Variants in RFC1 observed in about 807,000 individuals in gnomAD.
RFC1 encodes the protein A1 140 kDa subunit.
A neutral mutation model predicts 137.4 loss-of-function variants in RFC1; 37 were observed. That is an observed-to-expected ratio of 0.27 (90% confidence interval 0.21 to 0.35). The LOEUF (loss-of-function observed/expected upper bound fraction) is 0.35, where lower values mean the gene tolerates loss of function less well. Ranked by LOEUF, RFC1 falls within the 10% of genes least tolerant of loss-of-function variation. The pLI is 1.00. For missense variants in RFC1, 1,205 were observed against 1,358.5 expected (o/e 0.89, Z 1.78); for synonymous variants, 429 against 455.7 (o/e 0.94, Z 0.75).
At chr4:39,300,809 G>T (rs556960766) in intron 19 of RFC1, among the ~76,000 whole-genome samples, 4 of 152,080 alleles carry the variant, frequency 2.6e-5, no homozygotes, top group South Asian at 4.1e-4. Context: ...AAAGACATGG[G>T]GGGGCAGGGC....
At chr4:39,326,893 A>G (rs1180890550) in intron 5 of RFC1, among the ~76,000 whole-genome samples, 2 of 152,234 alleles carry the variant, frequency 1.3e-5, no homozygotes, top group Non-Finnish European at 2.9e-5. Flanking sequence ...TACCAAAAAT[A>G]AAAATAAAAA....
At chr4:39,308,601 C>A (rs1214192058) in intron 13 of RFC1, 35 bp downstream of exon 13, 6 of 1,583,716 alleles carry the variant, frequency 3.8e-6, no homozygotes, top group Non-Finnish European at 5.2e-6. Context: ...TGTTGATATA[C>A]ACACACACAA....
At chr4:39,355,118 C>CACACACAT (rs1741406091) in intron 1 of RFC1, among the ~76,000 whole-genome samples, 2 of 147,662 alleles carry the variant, frequency 1.4e-5, no homozygotes. Flanking sequence ...CACACACACA[C>CACACACAT]ACACACACAC....
At chr4:39,347,683 G>A (rs1031872662) in intron 2 of RFC1, among the ~76,000 whole-genome samples, 2 of 152,140 alleles carry the variant, frequency 1.3e-5, no homozygotes, top group African/African-American at 2.4e-5. Flanking sequence ...AAATATGAAC[G>A]TTAAATGTAA....
intron 4 of RFC1, 145 bp downstream of exon 4, chr4:39,342,200 C>T: frequency 1.0e-6 from 1 of 953,640 alleles, no homozygotes; most frequent in Non-Finnish European, 1.5e-6. Flanking sequence ...AAAAGATGAT[C>T]CCAGCCTTCC....
chr4:39,320,612 T>G lies in RFC1; in HGVS notation c.866A>C (p.Lys289Thr). 1 of 1,612,014 alleles carries G rather than the reference T, an allele frequency of 6.2e-7. No homozygotes were observed. Among genetic ancestry groups the G allele is most frequent in the South Asian group, 1.1e-5 (1 of 90,280 alleles). ...RKSYSPRKQSKYESSKESQQH... is the reference protein window; with the variant it reads ...RKSYSPRKQSTYESSKESQQH... ...CTGAGATTCTTTTGAACTTTCATAT[T>G]TACTTTGCTTCCTAGGACTGTAGCT... Residue 289 changes from lysine (K) to threonine (T), a missense_variant, in exon 9 of 25, where the codon AAA becomes ACA. Lys to Thr is a moderately conservative substitution (Grantham distance 78). This residue lies in a region of RFC1 where 962 missense variants were observed against 1,035.3 expected (regional missense o/e 0.93). Transcript: ENST00000349703.
chr4:39,329,455 C>T (rs1428772760), intron 4 of RFC1, among the ~76,000 whole-genome samples: 1 of 150,656 alleles, frequency 6.6e-6, no homozygotes, highest in Non-Finnish European at 1.5e-5. Flanking sequence ...CCGGGCGTAG[C>T]GGTGCGCGCC....
chr4:39,299,462 A>C (rs1453746927), intron 21 of RFC1, among the ~76,000 whole-genome samples: 1 of 151,904 alleles, frequency 6.6e-6, no homozygotes, highest in Non-Finnish European at 1.5e-5. Flanking sequence ...AAATACAAAA[A>C]ATTAGCTGGG....
chr4:39,310,053 T>G (rs1738891279), intron 12 of RFC1, among the ~76,000 whole-genome samples: 1 of 152,190 alleles, frequency 6.6e-6, no homozygotes, highest in South Asian at 2.1e-4. Flanking sequence ...TCACTAATAA[T>G]AAGACGTTAT....
At chr4:39,364,346 G>A (rs1427033119) in intron 1 of RFC1, among the ~76,000 whole-genome samples, 4 of 151,730 alleles carry the variant, frequency 2.6e-5, no homozygotes, top group South Asian at 2.1e-4. Flanking sequence ...TTTAGTCTAG[G>A]GTTTTGCTAA....
intron 12 of RFC1, among the ~76,000 whole-genome samples, 158 bp from the exon 13 acceptor site, chr4:39,309,190 C>T (rs1738844563): frequency 6.6e-6 from 1 of 152,256 alleles, no homozygotes; most frequent in Admixed American, 6.5e-5. Flanking sequence ...GTGGAAATCA[C>T]CACCTTCTAA....
intron 19 of RFC1, among the ~76,000 whole-genome samples, chr4:39,301,618 G>A (rs1738365828): frequency 6.6e-6 from 1 of 152,086 alleles, no homozygotes; most frequent in Non-Finnish European, 1.5e-5. Flanking sequence ...TGGCCAGGCT[G>A]GTCTCAAACT....
At chr4:39,321,257 C>A in intron 8 of RFC1, 30 bp downstream of exon 8, 2 of 1,509,014 alleles carry the variant, frequency 1.3e-6, no homozygotes, top group Non-Finnish European at 1.8e-6. Flanking sequence ...AAGACAAGTG[C>A]TCCATCTTAC....
chr4:39,298,226 T>C (rs1738135507), intron 21 of RFC1, among the ~76,000 whole-genome samples: 1 of 146,894 alleles, frequency 6.8e-6, no homozygotes, highest in Non-Finnish European at 1.5e-5. Flanking sequence ...GAGGATCACT[T>C]GAGCCCAGGA....
chr4:39,308,811 C>G lies in RFC1; in HGVS notation c.1710G>C (p.Arg570Ser), dbSNP rs375278905. ...AEETSGDSKA[R>S]NLADDSSENK... ...TTTCACTGCTGTCATCAGCCAAATT[C>G]CTAGCCTTGCTGTCACCACTTGTCT... is the stretch of plus-strand genomic sequence containing the variant. The change falls in exon 13 of 25, where the codon AGG becomes AGC. Residue 570 changes from arginine (R) to serine (S), a missense_variant. Around this residue, in one of 3 missense-constraint regions of RFC1, gnomAD observed 962 missense variants for 1,035.3 expected, o/e 0.93. Transcript: ENST00000349703. 8 of 1,614,190 alleles carry G rather than the reference C, an allele frequency of 5.0e-6. No individual in the cohort carries two copies. In the African/African-American group the frequency reaches 1.1e-4, roughly 22 times the overall value.
At chr4:39,334,409 G>C (rs944259240) in intron 4 of RFC1, among the ~76,000 whole-genome samples, 1 of 152,138 alleles carries the variant, frequency 6.6e-6, no homozygotes, top group Admixed American at 6.5e-5. Context: ...ATATATTATG[G>C]AAAGAAGACA....
At chr4:39,321,882 G>C (rs1256482121) in intron 7 of RFC1, 1 of 153,044 alleles carries the variant, frequency 6.5e-6, no homozygotes, top group Admixed American at 6.5e-5. Flanking sequence ...ATTATAATTT[G>C]AGTGTCTTTA....
Position 39,309,019 on chromosome 4 carries a change from G to T in RFC1, c.1502C>A (p.Ser501Tyr). The T allele has an allele frequency of 6.3e-7, 1 of 1,597,070 alleles. No individual in the cohort carries two copies. Among genetic ancestry groups the T allele is most frequent in the South Asian group, 1.1e-5 (1 of 87,234 alleles). The stretch of plus-strand genomic sequence containing the variant: ...TTTTTGGGGTGTTCTCTCCAGTTTG[G>T]ACTCTTTCTTCATCTTAAGAAGTGG... ...IAVETEMKKE[S>Y]KLERTPQKNV... is the part of the protein sequence containing the mutation. Residue 501 changes from serine (S) to tyrosine (Y), a missense_variant, in exon 13 of 25, where the codon TCC becomes TAC. Physicochemically the swap from Ser to Tyr is moderately radical, Grantham distance 144 (BLOSUM62 -2). Around this residue, in one of 3 missense-constraint regions of RFC1, gnomAD observed 962 missense variants for 1,035.3 expected, o/e 0.93. Transcript: ENST00000349703.
intron 11 of RFC1, 41 bp downstream of exon 11, chr4:39,312,711 G>T: frequency 1.3e-6 from 2 of 1,562,396 alleles, no homozygotes; most frequent in Non-Finnish European, 8.7e-7. Flanking sequence ...TGCCAAGGCA[G>T]GCAGGAGGTG....
Sources: gnomAD v4.1 joint callset for allele counts (sites outside exome capture counted in the v4.1 genomes callset) on GRCh38, gnomAD v4.1.1 for gene constraint, gnomAD v4.1.1 regional missense constraint, MANE v1.5 for transcripts, NCBI Gene and HGNC (gene_info 2026-07-23, HGNC 2026-07-21) for gene names.